The following PLCB1 variants were observed in gnomAD, a reference collection of about 807,000 sequenced individuals.
PLCB1 encodes the protein 1-phosphatidylinositol 4,5-bisphosphate phosphodiesterase beta-1.
Under a neutral mutation model 161.8 loss-of-function variants are expected in PLCB1, and 46 were observed. The observed-to-expected ratio is 0.28, with a 90% CI of 0.22 to 0.36. The LOEUF is 0.36. Ranked by LOEUF, PLCB1 falls within the 10% of genes least tolerant of loss-of-function variation. PLCB1 has a pLI of 1.00. For synonymous variants in PLCB1, 517 were observed against 503.7 expected (o/e 1.03, Z -0.35); for missense variants, 1,016 against 1,472.5 (o/e 0.69, Z 5.07).
intron 31 of PLCB1, among the ~76,000 whole-genome samples, chr20:8,826,367 C>T (rs567077449): frequency 3.2e-4 from 49 of 151,990 alleles, no homozygotes; most frequent in Admixed American, 8.5e-4. Flanking sequence ...TGGTGGCAGG[C>T]GCCTGTAGTC....
At chr20:8,192,116 A>G (rs1299760594) in intron 2 of PLCB1, among the ~76,000 whole-genome samples, 1 of 152,064 alleles carries the variant, frequency 6.6e-6, no homozygotes, top group Non-Finnish European at 1.5e-5. Flanking sequence ...TACTATTTGA[A>G]TTTTGGATTT....
intron 9 of PLCB1, among the ~76,000 whole-genome samples, chr20:8,668,600 G>A (rs1305778609): frequency 6.6e-6 from 1 of 152,188 alleles, no homozygotes; most frequent in Non-Finnish European, 1.5e-5. Context: ...AGGGCAGTAG[G>A]GAGTGTGAAC....
chr20:8,224,166 G>A (rs748563659), intron 2 of PLCB1, among the ~76,000 whole-genome samples: 3 of 152,116 alleles, frequency 2.0e-5, no homozygotes, highest in Non-Finnish European at 4.4e-5. Context: ...AATCACAGAG[G>A]CTTCTGAGCC....
Position 8,556,983 on chromosome 20 carries a change from A to AAAATAAATAAATAAAT in PLCB1, c.247-71295_247-71280dup, listed in dbSNP as rs60833598. On this transcript the variant is annotated intron_variant, in intron 3 of 31. Transcript: ENST00000338037. ...TAGCTATTATTGATAATAAATAAAT[A>AAAATAAATAAATAAAT]AAATAAATAAATAAATAAATAAATA... is the stretch of plus-strand genomic sequence containing the variant. Among the ~76,000 whole-genome samples, 596 of 143,272 alleles carry AAAATAAATAAATAAAT rather than the reference A, an allele frequency of 4.2e-3. 7 individuals are homozygous for AAAATAAATAAATAAAT. Among genetic ancestry groups the AAAATAAATAAATAAAT allele is most frequent in the African/African-American group, 0.015 (579 of 38,520 alleles). 94.0% of individuals were successfully genotyped at this position (143,272 alleles called of 152,430 possible). A position where few individuals can be genotyped will look rare whatever the true frequency, so the allele number is the denominator to read the frequency against.
At chr20:8,406,464 A>G (rs1421773966) in intron 3 of PLCB1, among the ~76,000 whole-genome samples, 1 of 152,228 alleles carries the variant, frequency 6.6e-6, no homozygotes, top group Admixed American at 6.5e-5. Context: ...TCAACACATA[A>G]TAATTTCAAG....
intron 2 of PLCB1, among the ~76,000 whole-genome samples, chr20:8,340,749 AC>A (rs1485899646): frequency 6.6e-6 from 1 of 151,894 alleles, no homozygotes; most frequent in Non-Finnish European, 1.5e-5. Flanking sequence ...CACATAGAGT[AC>A]CTCCCCTTTA....
chr20:8,584,130 C>T (rs1250489840), intron 3 of PLCB1, among the ~76,000 whole-genome samples: 1 of 152,096 alleles, frequency 6.6e-6, no homozygotes, highest in Non-Finnish European at 1.5e-5. Flanking sequence ...TAATAGAAAT[C>T]GCTTTGAACA....
chr20:8,510,488 C>A (rs531273460), intron 3 of PLCB1, among the ~76,000 whole-genome samples: 3 of 150,870 alleles, frequency 2.0e-5, no homozygotes, highest in Non-Finnish European at 4.4e-5. Context: ...CAGGTTCAAG[C>A]GATTCTCCTG....
chr20:8,871,211 A>G (rs1987597483), intron 31 of PLCB1, among the ~76,000 whole-genome samples: 1 of 152,208 alleles, frequency 6.6e-6, no homozygotes, highest in African/African-American at 2.4e-5. Flanking sequence ...ATTTTTATAT[A>G]TTAGAGCAGA....
In PLCB1 at chr20:8,516,664, CATATATATATATATATATATATATATAT is replaced by C. The variant is rs57237224; in HGVS notation, c.247-111611_247-111584del. ...AAGGTTTTTATAGAAAATATAACAT[CATATATATATATATATATATATATATAT>C]ATATATATATATATATATGTATTCC... On this transcript the variant is annotated intron_variant, in intron 3 of 31. Transcript: ENST00000338037. Among the ~76,000 whole-genome samples the C allele has an allele frequency of 1.3e-3, 96 of 72,250 alleles. 1 individual carries two copies. Among genetic ancestry groups the C allele is most frequent in the Middle Eastern group, 0.014 (1 of 74 alleles). 47.4% of individuals were successfully genotyped at this position (72,250 alleles called of 152,430 possible).
At chr20:8,633,573 A>T (rs995032431) in intron 4 of PLCB1, among the ~76,000 whole-genome samples, 1 of 152,188 alleles carries the variant, frequency 6.6e-6, no homozygotes, top group Non-Finnish European at 1.5e-5. Context: ...ACAGTCCAAC[A>T]TAAAAAGAAT....
At chr20:8,280,475 T>G (rs925114154) in intron 2 of PLCB1, among the ~76,000 whole-genome samples, 1 of 152,232 alleles carries the variant, frequency 6.6e-6, no homozygotes, top group Non-Finnish European at 1.5e-5. Flanking sequence ...GTAAGGCTTA[T>G]GTCATTTAAT....
At chr20:8,653,858 C>A (rs944333893) in intron 7 of PLCB1, among the ~76,000 whole-genome samples, 1 of 151,904 alleles carries the variant, frequency 6.6e-6, no homozygotes, top group African/African-American at 2.4e-5. Flanking sequence ...TTTGCTCAAC[C>A]CAGGACCTTA....
In PLCB1 at chr20:8,535,389, A is replaced by T. The variant is rs963714456; in HGVS notation, c.247-92905A>T. Reference sequence around the variant, plus strand: ...CAGAAAACTATAAGGCTTTTGGGAAAGAAAATTTAGGAGTATACATTAAAA... The same window carrying T: ...CAGAAAACTATAAGGCTTTTGGGAATGAAAATTTAGGAGTATACATTAAAA... On this transcript the variant is annotated intron_variant, in intron 3 of 31. Transcript: ENST00000338037. Among the ~76,000 whole-genome samples the T allele has an allele frequency of 2.0e-5, 3 of 152,138 alleles. No homozygotes were observed. In the East Asian group the frequency reaches 5.8e-4, roughly 29 times the overall value.
chr20:8,649,619 G>A, intron 7 of PLCB1, 170 bp downstream of exon 7: 1 of 581,886 alleles, frequency 1.7e-6, no homozygotes. Flanking sequence ...AGAGGAACTG[G>A]TGGCTTTATA....
chr20:8,487,919 A>G (rs1982797994), intron 3 of PLCB1, among the ~76,000 whole-genome samples: 1 of 152,148 alleles, frequency 6.6e-6, no homozygotes, highest in Non-Finnish European at 1.5e-5. Context: ...CACACAGGCA[A>G]TGACTGACTC....
At chr20:8,138,776 T>A (rs923684851) in intron 1 of PLCB1, among the ~76,000 whole-genome samples, 3 of 152,214 alleles carry the variant, frequency 2.0e-5, no homozygotes, top group Admixed American at 6.5e-5. Context: ...AGGATGCTTA[T>A]GTTCTTTAAG....
intron 16 of PLCB1, among the ~76,000 whole-genome samples, 185 bp downstream of exon 16, chr20:8,724,937 T>C (rs1373274632): frequency 1.3e-5 from 2 of 152,152 alleles, no homozygotes; most frequent in African/African-American, 4.8e-5. Context: ...TATTGTAATA[T>C]ATAAAAATAA....
chr20:8,851,549 G>T (rs1378078958), intron 31 of PLCB1, among the ~76,000 whole-genome samples: 1 of 152,036 alleles, frequency 6.6e-6, no homozygotes, highest in Non-Finnish European at 1.5e-5. Context: ...CCATCATATG[G>T]TAGCAGATGC....
Sources: gnomAD v4.1 joint callset for allele counts (sites outside exome capture counted in the v4.1 genomes callset) on GRCh38, gnomAD v4.1.1 for gene constraint, MANE v1.5 for transcripts, NCBI Gene and HGNC (gene_info 2026-07-23, HGNC 2026-07-21) for gene names.